GUCY1A2: variants seen among roughly 807,000 people sequenced by gnomAD.
GUCY1A2 encodes guanylate cyclase 1 soluble subunit alpha 2.
A neutral mutation model predicts 63.5 loss-of-function variants in GUCY1A2; 27 were observed. The ratio of observed to expected loss-of-function variants is 0.43; its 90% CI spans 0.31 to 0.59. The LOEUF (loss-of-function observed/expected upper bound fraction) is 0.59, where lower values mean the gene tolerates loss of function less well. Among genes scored for constraint, GUCY1A2 ranks in the 20% least tolerant of loss-of-function variants. The pLI, the probability that GUCY1A2 is intolerant of heterozygous loss-of-function variation, is 0.11. For missense variants in GUCY1A2, 768 were observed against 913.3 expected, an observed-to-expected ratio of 0.84 and a Z score of 2.05; for synonymous variants, 364 against 343.5, an observed-to-expected ratio of 1.06 and a Z score of -0.66.
chr11:107,002,465 T>A (rs951830366), intron 1 of GUCY1A2, among the ~76,000 whole-genome samples: 1 of 151,900 alleles, frequency 6.6e-6, no homozygotes, highest in Non-Finnish European at 1.5e-5. Context: ...CATATATATA[T>A]AAAACACTTT....
intron 1 of GUCY1A2, among the ~76,000 whole-genome samples, chr11:106,991,000 AT>A (rs1474151799): frequency 2.0e-5 from 3 of 151,964 alleles, no homozygotes; most frequent in South Asian, 2.1e-4. Context: ...ATATTATTTT[AT>A]TTTTTTGAGA....
At chr11:106,883,094 G>A (rs1319123468) in intron 4 of GUCY1A2, among the ~76,000 whole-genome samples, 3 of 152,050 alleles carry the variant, frequency 2.0e-5, no homozygotes, top group Admixed American at 6.6e-5. Context: ...AAGGTATCTA[G>A]AGAAAGTGAA....
chr11:106,698,289 T>A (rs1862757962), intron 7 of GUCY1A2, among the ~76,000 whole-genome samples: 1 of 150,436 alleles, frequency 6.6e-6, no homozygotes, highest in Non-Finnish European at 1.5e-5. Flanking sequence ...TGGGGATTTT[T>A]TTTTTTTAAT....
chr11:106,905,482 T>G (rs1200451292), intron 4 of GUCY1A2, among the ~76,000 whole-genome samples: 1 of 152,118 alleles, frequency 6.6e-6, no homozygotes, highest in Admixed American at 6.6e-5. Flanking sequence ...TAATCACTTC[T>G]TTAAAGTCCT....
At chr11:106,741,830 A>G (rs1174237554) in intron 6 of GUCY1A2, among the ~76,000 whole-genome samples, 1 of 152,240 alleles carries the variant, frequency 6.6e-6, no homozygotes, top group Non-Finnish European at 1.5e-5. Context: ...CATTAAATAA[A>G]ATGTCAACAA....
chr11:106,956,325 C>T (rs1451795811), intron 3 of GUCY1A2, among the ~76,000 whole-genome samples: 1 of 151,902 alleles, frequency 6.6e-6, no homozygotes, highest in African/African-American at 2.4e-5. Flanking sequence ...GTGCCCTTGA[C>T]ATTGTAATCA....
At chr11:106,887,584 A>T (rs1270008985) in intron 4 of GUCY1A2, among the ~76,000 whole-genome samples, 1 of 152,142 alleles carries the variant, frequency 6.6e-6, no homozygotes, top group Admixed American at 6.6e-5. Flanking sequence ...CCAGCCACCA[A>T]AGCCCTGCTG....
intron 6 of GUCY1A2, among the ~76,000 whole-genome samples, chr11:106,738,293 C>G (rs1863626142): frequency 6.6e-6 from 1 of 152,072 alleles, no homozygotes; most frequent in Non-Finnish European, 1.5e-5. Context: ...GGGTATTAGC[C>G]CTTTGTCAGA....
intron 7 of GUCY1A2, among the ~76,000 whole-genome samples, chr11:106,692,849 C>G (rs1248860952): frequency 6.6e-6 from 1 of 152,060 alleles, no homozygotes; most frequent in Non-Finnish European, 1.5e-5. Context: ...TTTTTATTTG[C>G]GAATTTGCCC....
chr11:106,992,054 G>T (rs1861476363), intron 1 of GUCY1A2, among the ~76,000 whole-genome samples: 1 of 152,186 alleles, frequency 6.6e-6, no homozygotes, highest in African/African-American at 2.4e-5. Flanking sequence ...AGCCAGGATT[G>T]AAACCCAGGT....
intron 1 of GUCY1A2, among the ~76,000 whole-genome samples, chr11:107,014,078 C>CTT (rs1861785558): frequency 9.2e-6 from 1 of 108,914 alleles, no homozygotes; most frequent in African/African-American, 3.7e-5. Flanking sequence ...GCCATGTTTT[C>CTT]CTTTTTTTTT....
rs1862363801 is a variant in GUCY1A2 at position 106,677,346 on chromosome 11, C to T, written c.*10203G>A. On this transcript the variant is annotated 3_prime_UTR_variant, in exon 8 of 8. Coordinates refer to ENST00000526355, the MANE Select transcript of GUCY1A2 (RefSeq NM_000855.3). ...ATTCATCAAGAATTTTATTCATGAACACCAAACTCAACTGATTCAAGCTGT... is the reference window on the plus strand; with the variant it reads ...ATTCATCAAGAATTTTATTCATGAATACCAAACTCAACTGATTCAAGCTGT... The T allele has an allele frequency of 4.7e-6, 1 of 213,712 alleles. No individual in the cohort carries two copies. The highest frequency in any genetic ancestry group is 2.3e-5 in the African/African-American group (1 of 44,306). 13.2% of individuals were successfully genotyped at this position (213,712 alleles called of 1,614,324 possible).
At chr11:106,815,537 A>G (rs534685252) in intron 4 of GUCY1A2, among the ~76,000 whole-genome samples, 1 of 152,058 alleles carries the variant, frequency 6.6e-6, no homozygotes, top group South Asian at 2.1e-4. Flanking sequence ...GAATGGCTAA[A>G]GAAAGGTCTT....
chr11:106,871,853 T>G (rs933635137), intron 4 of GUCY1A2, among the ~76,000 whole-genome samples: 2 of 152,180 alleles, frequency 1.3e-5, no homozygotes, highest in Non-Finnish European at 2.9e-5. Context: ...TCATTATGAA[T>G]TAGGAGTATA....
At chr11:106,774,919 TCA>T (rs974157925) in intron 6 of GUCY1A2, among the ~76,000 whole-genome samples, 12 of 152,178 alleles carry the variant, frequency 7.9e-5, no homozygotes, top group Non-Finnish European at 1.5e-4. Context: ...TGTCCCTTTC[TCA>T]CAGTTTTCAG....
chr11:106,911,338 G>A (rs1475092088), intron 4 of GUCY1A2, among the ~76,000 whole-genome samples: 1 of 151,934 alleles, frequency 6.6e-6, no homozygotes, highest in Non-Finnish European at 1.5e-5. Flanking sequence ...CTATGTGAAA[G>A]CCACACCTCA....
At position 106,944,215 on chromosome 11, in the gene GUCY1A2, C is replaced by CAAAAAAAAAAAAAAAAAAAAAAAAAAA. The variant is rs71041701; in HGVS notation, c.488-4038_488-4037insTTTTTTTTTTTTTTTTTTTTTTTTTTT. On this transcript the variant is annotated intron_variant, in intron 3 of 7. Transcript: ENST00000526355. ...GGGCAACAGAGTGAGACCCTGTCTC[C>CAAAAAAAAAAAAAAAAAAAAAAAAAAA]AAAAAAAAAAAAAAAAAAAAAGCAG... Among the ~76,000 whole-genome samples the CAAAAAAAAAAAAAAAAAAAAAAAAAAA allele has an allele frequency of 2.8e-4, 6 of 21,576 alleles. 1 individual carries two copies. The highest frequency in any genetic ancestry group is 1.8e-3 in the East Asian group (1 of 566). The allele number at this position is 21,576 out of a possible 152,430, so 14.2% of individuals were successfully genotyped here. A position where few individuals can be genotyped will look rare whatever the true frequency, so the allele number is the denominator to read the frequency against.
At chr11:106,797,014 T>A (rs931777262) in intron 5 of GUCY1A2, among the ~76,000 whole-genome samples, 1 of 152,120 alleles carries the variant, frequency 6.6e-6, no homozygotes, top group Non-Finnish European at 1.5e-5. Context: ...TCTCGCTTCA[T>A]TTCATTCATT....
chr11:106,952,158 A>G (rs1042261031), intron 3 of GUCY1A2, among the ~76,000 whole-genome samples: 1 of 152,120 alleles, frequency 6.6e-6, no homozygotes, highest in African/African-American at 2.4e-5. Context: ...GTATACTTTG[A>G]AGTCAGGTAG....
Sources: gnomAD v4.1 joint callset for allele counts (sites outside exome capture counted in the v4.1 genomes callset) on GRCh38, gnomAD v4.1.1 for gene constraint, MANE v1.5 for transcripts, NCBI Gene and HGNC (gene_info 2026-07-23, HGNC 2026-07-21) for gene names.